ENTREP2: variants seen among roughly 807,000 people sequenced by gnomAD.
ENTREP2 encodes the protein endosomal transmembrane epsin interactor 2, also known as protein ENTREP2.
the ENTREP2 span, among the ~76,000 whole-genome samples, chr15:29,594,727 C>T: frequency 6.6e-6 from 1 of 151,780 alleles, no homozygotes; most frequent in African/African-American, 2.4e-5. Flanking sequence ...CTTTGGGAGG[C>T]CAAGGTGGGC....
At chr15:29,272,978 G>A in the ENTREP2 span, among the ~76,000 whole-genome samples, 1 of 152,132 alleles carries the variant, frequency 6.6e-6, no homozygotes, top group Non-Finnish European at 1.5e-5. Context: ...GCAGCATCAG[G>A]TGGTTGGTTT....
the ENTREP2 span, among the ~76,000 whole-genome samples, chr15:29,399,439 A>C: frequency 3.3e-5 from 5 of 152,242 alleles, no homozygotes; most frequent in Non-Finnish European, 5.9e-5. Flanking sequence ...TGGAAAGAAG[A>C]AGCAAAATCA....
chr15:29,191,382 T>C, the ENTREP2 span, among the ~76,000 whole-genome samples: 4 of 152,022 alleles, frequency 2.6e-5, no homozygotes, highest in Admixed American at 6.6e-5. Context: ...GAAAAAGATA[T>C]AAAATACACT....
the ENTREP2 span, among the ~76,000 whole-genome samples, chr15:29,153,145 CTT>C: frequency 3.9e-4 from 58 of 147,644 alleles, no homozygotes; most frequent in Admixed American, 5.4e-4. Context: ...GTAATGTTTA[CTT>C]TTTTTTTTTT....
At chr15:29,557,540 G>T in the ENTREP2 span, among the ~76,000 whole-genome samples, 1 of 152,158 alleles carries the variant, frequency 6.6e-6, no homozygotes, top group Admixed American at 6.5e-5. Flanking sequence ...GACCGCTGCT[G>T]GAACCAAGAA....
At chr15:29,293,432 T>A in the ENTREP2 span, among the ~76,000 whole-genome samples, 3 of 151,574 alleles carry the variant, frequency 2.0e-5, no homozygotes, top group Non-Finnish European at 3.0e-5. Flanking sequence ...TATTTTTTTT[T>A]TTTTTAGTAG....
the ENTREP2 span, among the ~76,000 whole-genome samples, chr15:29,258,227 A>AG: frequency 1.3e-3 from 80 of 62,400 alleles, no homozygotes; most frequent in Non-Finnish European, 2.3e-3. Context: ...AAAAAAAAAA[A>AG]AAAAAAGAAA....
At chr15:29,560,960 C>T in the ENTREP2 span, among the ~76,000 whole-genome samples, 4 of 8,468 alleles carry the variant, frequency 4.7e-4, no homozygotes, top group Non-Finnish European at 8.0e-4. Flanking sequence ...TATAAATGGT[C>T]TATGGTTGCC....
At chr15:29,318,838 G>A in the ENTREP2 span, among the ~76,000 whole-genome samples, 1 of 152,194 alleles carries the variant, frequency 6.6e-6, no homozygotes, top group Non-Finnish European at 1.5e-5. Context: ...TAGTGCAAAA[G>A]ATGAACCCAA....
the ENTREP2 span, among the ~76,000 whole-genome samples, chr15:29,338,870 A>G: frequency 6.7e-6 from 1 of 149,976 alleles, no homozygotes; most frequent in African/African-American, 2.4e-5. Context: ...ACATCATACA[A>G]TGAATTATTG....
chr15:29,187,980 G>A, the ENTREP2 span, among the ~76,000 whole-genome samples: 1 of 152,226 alleles, frequency 6.6e-6, no homozygotes, highest in Non-Finnish European at 1.5e-5. Context: ...GTATGAGAAG[G>A]AGCTCTCACA....
chr15:29,458,661 T>C, the ENTREP2 span, among the ~76,000 whole-genome samples: 4 of 152,130 alleles, frequency 2.6e-5, no homozygotes, highest in African/African-American at 9.7e-5. Flanking sequence ...CGACCCAACT[T>C]CTCCAGCACC....
At chr15:29,332,931 C>T in the ENTREP2 span, among the ~76,000 whole-genome samples, 1 of 149,552 alleles carries the variant, frequency 6.7e-6, no homozygotes, top group East Asian at 2.0e-4. Context: ...TGCACTCCAG[C>T]CTGGGTAACA....
chr15:29,543,675 AG>A, the ENTREP2 span, among the ~76,000 whole-genome samples: 1 of 151,968 alleles, frequency 6.6e-6, no homozygotes, highest in African/African-American at 2.4e-5. Context: ...GCTATTCAGG[AG>A]GCTGAGGCAG....
chr15:29,277,669 C>T, the ENTREP2 span, among the ~76,000 whole-genome samples: 1 of 152,190 alleles, frequency 6.6e-6, no homozygotes, highest in Non-Finnish European at 1.5e-5. Context: ...TCCTAACAGG[C>T]CACGAACTGG....
chr15:29,151,271 T>A, the ENTREP2 span, among the ~76,000 whole-genome samples: 2,329 of 152,120 alleles, frequency 0.015, 66 homozygotes, highest in African/African-American at 0.054. Flanking sequence ...GTGACTGGCC[T>A]CTGGAGTATG....
the ENTREP2 span, among the ~76,000 whole-genome samples, chr15:29,604,840 A>G: frequency 2.0e-5 from 3 of 152,172 alleles, no homozygotes; most frequent in East Asian, 5.8e-4. Flanking sequence ...CGTGAAGATG[A>G]TGTGACTTGG....
the ENTREP2 span, among the ~76,000 whole-genome samples, chr15:29,583,926 G>T: frequency 6.6e-6 from 1 of 152,106 alleles, no homozygotes. Context: ...CTAAAACTGT[G>T]AAACTCTTTG....
the ENTREP2 span, among the ~76,000 whole-genome samples, chr15:29,635,592 C>T: frequency 1.3e-5 from 2 of 152,174 alleles, no homozygotes; most frequent in Non-Finnish European, 2.9e-5. Flanking sequence ...CGAGAGAAGG[C>T]TCCCCAGGGT....
Sources: allele counts gnomAD v4.1 joint callset (sites outside exome capture counted in the v4.1 genomes callset), GRCh38; gene constraint gnomAD v4.1.1; transcripts MANE v1.5; gene names NCBI Gene and HGNC (gene_info 2026-07-23, HGNC 2026-07-21).